The following ROBO2 variants were observed in gnomAD, a reference collection of about 807,000 sequenced individuals.
The protein encoded by ROBO2 is roundabout guidance receptor 2, also known as roundabout homolog 2.
A neutral mutation model predicts 160.8 loss-of-function variants in ROBO2; 53 were observed. The ratio of observed to expected loss-of-function variants is 0.33; its 90% CI spans 0.26 to 0.41. The LOEUF is 0.41. Ranked by LOEUF, ROBO2 falls within the 10% of genes least tolerant of loss-of-function variation. The probability of loss-of-function intolerance (pLI) is 1.00; values close to 1 mark genes in which losing one functional copy is unlikely to be tolerated. For synonymous variants in ROBO2, 664 were observed against 611.7 expected (o/e 1.09, Z -1.26); for missense variants, 1,577 against 1,722.4 (o/e 0.92, Z 1.49).
At chr3:75,978,956 G>A (rs779100977) in intron 2 of ROBO2, among the ~76,000 whole-genome samples, 17 of 151,240 alleles carry the variant, frequency 1.1e-4, no homozygotes, top group Non-Finnish European at 2.1e-4. Flanking sequence ...GATCATACCC[G>A]GGTTAGTATT....
At chr3:77,463,856 T>C (rs2082493360) in intron 2 of ROBO2, among the ~76,000 whole-genome samples, 1 of 152,162 alleles carries the variant, frequency 6.6e-6, no homozygotes, top group South Asian at 2.1e-4. Context: ...GTGCTGGGAT[T>C]ATAGGCGTCA....
At chr3:77,178,694 T>C (rs2080398258) in intron 2 of ROBO2, among the ~76,000 whole-genome samples, 1 of 152,134 alleles carries the variant, frequency 6.6e-6, no homozygotes, top group East Asian at 1.9e-4. Flanking sequence ...GCCATGTACA[T>C]ATTTTAAAAA....
chr3:76,245,179 A>G (rs939814315), intron 2 of ROBO2, among the ~76,000 whole-genome samples: 7 of 152,206 alleles, frequency 4.6e-5, no homozygotes, highest in African/African-American at 1.2e-4. Flanking sequence ...ACCTTACACA[A>G]TTTCTTTCTA....
intron 2 of ROBO2, among the ~76,000 whole-genome samples, chr3:76,832,693 A>G: frequency 6.6e-6 from 1 of 152,140 alleles, no homozygotes; most frequent in Non-Finnish European, 1.5e-5. Flanking sequence ...AAACGGTTTC[A>G]GGAGGCACGT....
intron 2 of ROBO2, among the ~76,000 whole-genome samples, chr3:76,154,288 A>AAT (rs981901675): frequency 1.8e-4 from 27 of 152,148 alleles, no homozygotes; most frequent in African/African-American, 6.3e-4. Context: ...AATATTCATG[A>AAT]ATATATGATT....
At chr3:76,289,441 T>G (rs1430426097) in intron 2 of ROBO2, among the ~76,000 whole-genome samples, 1 of 151,908 alleles carries the variant, frequency 6.6e-6, no homozygotes, top group Admixed American at 6.6e-5. Flanking sequence ...CTGTAGGTTG[T>G]TTTTTTTATT....
intron 2 of ROBO2, among the ~76,000 whole-genome samples, chr3:77,030,876 A>G (rs537695643): frequency 1.3e-5 from 2 of 152,296 alleles, no homozygotes; most frequent in Non-Finnish European, 2.9e-5. Flanking sequence ...TTCTACATGG[A>G]CATTCATTTG....
chr3:76,279,879 G>C (rs1708140027), intron 2 of ROBO2, among the ~76,000 whole-genome samples: 1 of 151,866 alleles, frequency 6.6e-6, no homozygotes, highest in Admixed American at 6.6e-5. Context: ...CACTGTTTTG[G>C]GATTGATTTG....
intron 2 of ROBO2, among the ~76,000 whole-genome samples, chr3:76,518,653 A>G (rs2081455912): frequency 6.6e-6 from 1 of 152,170 alleles, no homozygotes; most frequent in Non-Finnish European, 1.5e-5. Flanking sequence ...AAACAAATAT[A>G]TAGCTATGGC....
At chr3:76,719,476 C>T (rs545720232) in intron 2 of ROBO2, among the ~76,000 whole-genome samples, 2 of 152,294 alleles carry the variant, frequency 1.3e-5, no homozygotes, top group East Asian at 1.9e-4. Context: ...GCTAGCACTA[C>T]AGGCTCACAC....
chr3:77,632,525 C>T (rs1402361669), intron 23 of ROBO2: 4 of 1,535,568 alleles, frequency 2.6e-6, no homozygotes, highest in Non-Finnish European at 8.7e-7. Context: ...CGTAACTTTT[C>T]TAGTCATAGA....
chr3:76,673,603 A>T (rs933103914), intron 2 of ROBO2, among the ~76,000 whole-genome samples: 1 of 152,192 alleles, frequency 6.6e-6, no homozygotes, highest in East Asian at 1.9e-4. Flanking sequence ...AAAAACGCTC[A>T]AAACAATTAT....
At chr3:76,263,103 G>T (rs1706869507) in intron 2 of ROBO2, among the ~76,000 whole-genome samples, 1 of 152,040 alleles carries the variant, frequency 6.6e-6, no homozygotes. Flanking sequence ...CACATTCCTA[G>T]CCCTCAGTAA....
intron 2 of ROBO2, among the ~76,000 whole-genome samples, chr3:76,721,542 T>G (rs2093467252): frequency 6.6e-6 from 1 of 152,348 alleles, no homozygotes; most frequent in Non-Finnish European, 1.5e-5. Flanking sequence ...ATTTATTTCA[T>G]CTTCTTTTGA....
chr3:77,594,486 T>G (rs1187796014), intron 17 of ROBO2, among the ~76,000 whole-genome samples: 2 of 152,202 alleles, frequency 1.3e-5, no homozygotes, highest in Admixed American at 1.3e-4. Flanking sequence ...ATAAGTTCCA[T>G]AGTTACATGG....
At chr3:76,150,695 T>C (rs1468962138) in intron 2 of ROBO2, among the ~76,000 whole-genome samples, 1 of 152,154 alleles carries the variant, frequency 6.6e-6, no homozygotes, top group East Asian at 1.9e-4. Context: ...CCTGACCAGA[T>C]GCTAAAATAC....
chr3:76,728,841 T>C (rs2093591325), intron 2 of ROBO2, among the ~76,000 whole-genome samples: 1 of 152,212 alleles, frequency 6.6e-6, no homozygotes, highest in Admixed American at 6.5e-5. Context: ...TAAAAACGTT[T>C]CCCCATTTTT....
chr3:76,055,687 C>G (rs2067817519), intron 2 of ROBO2, among the ~76,000 whole-genome samples: 2 of 152,178 alleles, frequency 1.3e-5, no homozygotes, highest in South Asian at 4.2e-4. Flanking sequence ...ATTTTTGTGA[C>G]TGTATGGTAT....
intron 18 of ROBO2, 118 bp from the exon 20 acceptor site, chr3:77,596,505 A>G (rs2094306441): frequency 8.0e-7 from 1 of 1,248,514 alleles, no homozygotes; most frequent in Non-Finnish European, 1.2e-6. Context: ...GAGTCTACTT[A>G]TATTAATTTG....
Sources: gnomAD v4.1 joint callset for allele counts (sites outside exome capture counted in the v4.1 genomes callset) on GRCh38, gnomAD v4.1.1 for gene constraint, MANE v1.5 for transcripts, NCBI Gene and HGNC (gene_info 2026-07-23, HGNC 2026-07-21) for gene names.